Variants in PM20D2 observed in about 807,000 individuals in gnomAD.
The protein encoded by PM20D2 is peptidase M20 domain containing 2, also known as xaa-Arg dipeptidase.
A neutral mutation model predicts 42.9 loss-of-function variants in PM20D2; 33 were observed. The observed-to-expected ratio is 0.77, with a 90% CI of 0.58 to 1.03. The LOEUF is 1.03. PM20D2 is among the 50% of genes least tolerant of loss of function. PM20D2 has a pLI of 0.00. For missense variants in PM20D2, 548 were observed against 557.0 expected (o/e 0.98, Z 0.16); for synonymous variants, 250 against 228.2 (o/e 1.10, Z -0.86).
chr6:89,155,735 G>A (rs1771024586), intron 4 of PM20D2, among the ~76,000 whole-genome samples: 1 of 152,138 alleles, frequency 6.6e-6, no homozygotes, highest in Non-Finnish European at 1.5e-5. Context: ...TTGAGACAAA[G>A]TCTTGCTCTA....
the PM20D2 span, chr6:89,098,556 G>A: frequency 1.4e-5 from 22 of 1,587,108 alleles, no homozygotes; most frequent in East Asian, 1.1e-4. Flanking sequence ...TAAAGACGGC[G>A]TGGTGCTCTT....
chr6:89,146,271 CG>C lies in PM20D2; in HGVS notation c.128del (p.Arg43ProfsTer20). On this transcript the variant is annotated frameshift_variant, in exon 1 of 7. Coordinates refer to ENST00000275072, the MANE Select transcript of PM20D2 (RefSeq NM_001010853.3). LOFTEE classifies it high-confidence loss of function. ...GGCCGAGCGGCTGGGGGCCCTGAGC[CG>C]CGCGATCTGGAGCCAGCCCGAGCTG... ...EAAERLGALS[R>X]AIWSQPELAY... 1 of 1,581,194 alleles carries C rather than the reference CG, an allele frequency of 6.3e-7. No homozygotes were observed. The highest frequency in any genetic ancestry group is 8.5e-7 in the Non-Finnish European group (1 of 1,171,864).
chr6:89,137,776 T>C, the PM20D2 span, among the ~76,000 whole-genome samples: 1 of 152,158 alleles, frequency 6.6e-6, no homozygotes, highest in Non-Finnish European at 1.5e-5. Flanking sequence ...GTTTCCTTAT[T>C]CCCCCTCTTT....
At chr6:89,117,037 C>T in the PM20D2 span, among the ~76,000 whole-genome samples, 509 of 152,138 alleles carry the variant, frequency 3.3e-3, 3 homozygotes, top group Non-Finnish European at 4.2e-3. Context: ...TTCCCTCTCC[C>T]CCCGCCCCCA....
the PM20D2 span, among the ~76,000 whole-genome samples, chr6:89,104,037 A>G: frequency 9.0e-6 from 1 of 111,600 alleles, no homozygotes; most frequent in African/African-American, 3.6e-5. Context: ...GAGTCTCACC[A>G]TGTTGGCCAG....
At chr6:89,147,709 T>C (rs833243) in intron 1 of PM20D2, among the ~76,000 whole-genome samples, 124,711 of 150,812 alleles carry the variant, frequency 0.83, 52,336 homozygotes, top group East Asian at 1. Context: ...TGGTGAAACC[T>C]CTGTCTCTAC....
At chr6:89,141,068 G>C (rs1770272180), upstream of PM20D2, among the ~76,000 whole-genome samples, 1 of 152,104 alleles carries the variant, frequency 6.6e-6, no homozygotes, top group East Asian at 1.9e-4. Flanking sequence ...ATGTAGAAAT[G>C]CACTTTCCTT....
upstream of PM20D2, among the ~76,000 whole-genome samples, chr6:89,142,961 C>T (rs1032534181): frequency 6.6e-6 from 1 of 152,204 alleles, no homozygotes; most frequent in Non-Finnish European, 1.5e-5. Context: ...CCCGGCCCCC[C>T]ACAATTATTT....
chr6:89,103,378 G>C, the PM20D2 span, among the ~76,000 whole-genome samples: 1 of 151,496 alleles, frequency 6.6e-6, no homozygotes, highest in South Asian at 2.1e-4. Flanking sequence ...ACCCAGGCTG[G>C]AGAGCAGTGG....
upstream of PM20D2, among the ~76,000 whole-genome samples, chr6:89,143,429 T>C (rs1033962887): frequency 3.3e-5 from 5 of 152,168 alleles, no homozygotes; most frequent in African/African-American, 1.2e-4. Flanking sequence ...AGAAGAGGAA[T>C]CTTTATATAT....
At chr6:89,142,464 T>G (rs1372920199), upstream of PM20D2, among the ~76,000 whole-genome samples, 1 of 152,204 alleles carries the variant, frequency 6.6e-6, no homozygotes, top group Admixed American at 6.5e-5. Context: ...TGGCCAGCAT[T>G]TTGTTCAGGA....
chr6:89,155,886 T>TC (rs1771032461), intron 4 of PM20D2, among the ~76,000 whole-genome samples: 1 of 151,032 alleles, frequency 6.6e-6, no homozygotes, highest in Non-Finnish European at 1.5e-5. Context: ...TAATTTTTTT[T>TC]TTTCTTTTTT....
At chr6:89,107,074 T>G in the PM20D2 span, 1 of 1,259,266 alleles carries the variant, frequency 7.9e-7, no homozygotes. Context: ...ATTAATCTCA[T>G]AACATATGCT....
At chr6:89,115,941 G>C in the PM20D2 span, among the ~76,000 whole-genome samples, 8 of 151,816 alleles carry the variant, frequency 5.3e-5, no homozygotes, top group East Asian at 9.7e-4. Context: ...GGCCACGAAT[G>C]GGATTTTCAT....
rs57998485 is a variant in PM20D2, at chr6:89,164,922, T to TAAAAAAAAAA, written c.*2670_*2679dup. ...TAAAATTGATGAGTTTCTGTGCCTGTAAAAAAAAAAAAAAAAAAAAGAAAA... is the reference window on the plus strand; with the variant it reads ...TAAAATTGATGAGTTTCTGTGCCTGTAAAAAAAAAAAAAAAAAAAAAAAAAAAAAAGAAAA... On this transcript the variant is annotated 3_prime_UTR_variant, in exon 7 of 7. Transcript: ENST00000275072. 3 of 107,710 alleles carry TAAAAAAAAAA rather than the reference T, an allele frequency of 2.8e-5. No homozygotes were observed. Among genetic ancestry groups the TAAAAAAAAAA allele is most frequent in the Admixed American group, 1.0e-4 (1 of 9,990 alleles). 6.7% of individuals were successfully genotyped at this position (107,710 alleles called of 1,614,324 possible). A position where few individuals can be genotyped will look rare whatever the true frequency, so the allele number is the denominator to read the frequency against.
chr6:89,143,050 T>C (rs774906006), upstream of PM20D2, among the ~76,000 whole-genome samples: 5 of 152,236 alleles, frequency 3.3e-5, no homozygotes, highest in Non-Finnish European at 5.9e-5. Context: ...CTACCTTTAA[T>C]TTTCTTCATT....
chr6:89,138,910 A>G, the PM20D2 span, among the ~76,000 whole-genome samples: 1 of 152,212 alleles, frequency 6.6e-6, no homozygotes, highest in African/African-American at 2.4e-5. Context: ...TATCTCTATC[A>G]TAGTTCATCT....
chr6:89,115,415 T>G, the PM20D2 span, among the ~76,000 whole-genome samples: 1 of 151,986 alleles, frequency 6.6e-6, no homozygotes, highest in East Asian at 1.9e-4. Flanking sequence ...CCTGAGTAGC[T>G]GGGATTACAG....
chr6:89,146,529 A>G lies in PM20D2; in HGVS notation c.385A>G (p.Ile129Val). 2.0e-6 allele frequency: 3 copies of G among 1,509,840 alleles called. No individual in the cohort carries two copies. In the East Asian group the frequency reaches 7.9e-5, roughly 40 times the overall value. The allele number at this position is 1,509,840 out of a possible 1,614,324, so 93.5% of individuals were successfully genotyped here. Residue 129 changes from isoleucine (I) to valine (V), a missense_variant, in exon 1 of 7, where the codon ATC becomes GTC. Physicochemically the swap from Ile to Val is conservative, Grantham distance 29 (BLOSUM62 3). Transcript: ENST00000275072. ...CGGCCACGCCTGCGGCCACAACCTCATCGCTGAGGTCGGGGCGGCGGCCGC... is the reference window on the plus strand; with the variant it reads ...CGGCCACGCCTGCGGCCACAACCTCGTCGCTGAGGTCGGGGCGGCGGCCGC... ...GIGHACGHNL[I>V]AEVGAAAALG...
Sources: allele counts gnomAD v4.1 joint callset (sites outside exome capture counted in the v4.1 genomes callset), GRCh38; gene constraint gnomAD v4.1.1; transcripts MANE v1.5; gene names NCBI Gene and HGNC (gene_info 2026-07-23, HGNC 2026-07-21).